The following MRPL17 variants were observed in gnomAD, a reference collection of about 807,000 sequenced individuals.
The protein encoded by MRPL17 is mitochondrial ribosomal protein L17.
In MRPL17, 8 loss-of-function variants were observed where a neutral mutation model predicts 12.0. The ratio of observed to expected loss-of-function variants is 0.67; its 90% CI spans 0.39 to 1.21. MRPL17 has a LOEUF of 1.21. Among genes scored for constraint, MRPL17 ranks in the 50% most tolerant of loss-of-function variants. The pLI is 0.01. For missense variants in MRPL17, 263 were observed against 234.4 expected (o/e 1.12, Z -0.80); for synonymous variants, 107 against 92.9 (o/e 1.15, Z -0.87).
rs778480444 is a variant in MRPL17, at chr11:6,682,397, C to T, written c.249G>A (p.Lys83=). ...CTTGAAACAGCTTTGGGATCAAATC[C>T]TTCTCCTAGAGGGAGAATTATCCAA... The part of the protein sequence containing the change: ...MRMADFWLTE[K]DLIPKLFQVL... The change falls in exon 3 of 3, where the codon AAG becomes AAA. Residue 83 remains lysine, a synonymous_variant. Transcript: ENST00000288937. 1 of 1,612,850 alleles carries T rather than the reference C, an allele frequency of 6.2e-7. No homozygotes were observed. Among genetic ancestry groups the T allele is most frequent in the African/African-American group, 1.3e-5 (1 of 74,898 alleles).
chr11:6,682,652 G>A (rs548434060), intron 2 of MRPL17, 95 bp downstream of exon 2: 86 of 1,263,412 alleles, frequency 6.8e-5, no homozygotes, highest in Non-Finnish European at 9.4e-5. Flanking sequence ...CCATAAGTGA[G>A]TACCCAAGTT....
chr11:6,680,490 A>G lies in MRPL17; in HGVS notation c.*1628T>C, dbSNP rs1846553251. ...ATGGTACAGGTTGTTTCTTATCTCTAGTCTCTATTAGATGAACAGTGGATA... is the reference window on the plus strand; with the variant it reads ...ATGGTACAGGTTGTTTCTTATCTCTGGTCTCTATTAGATGAACAGTGGATA... On this transcript the variant is annotated 3_prime_UTR_variant, in exon 3 of 3. Coordinates refer to ENST00000288937, the MANE Select transcript of MRPL17 (RefSeq NM_022061.4). Among the ~76,000 whole-genome samples the G allele has an allele frequency of 6.6e-6, 1 of 152,188 alleles. No individual in the cohort carries two copies. The highest frequency in any genetic ancestry group is 2.4e-5 in the African/African-American group (1 of 41,442).
chr11:6,682,744 C>T lies in MRPL17; in HGVS notation c.243+3G>A, dbSNP rs1238002905. 1 of 1,614,098 alleles carries T rather than the reference C, an allele frequency of 6.2e-7. No homozygotes were observed. Among genetic ancestry groups the T allele is most frequent in the East Asian group, 2.2e-5 (1 of 44,884 alleles). Reference sequence around the variant, plus strand: ...ATTTTGAAGGCAGATAGGTCGCACTCACTGTGAGCCAGAAGTCAGCCATGC... The same window carrying T: ...ATTTTGAAGGCAGATAGGTCGCACTTACTGTGAGCCAGAAGTCAGCCATGC... On this transcript the variant is annotated splice_donor_region_variant and intron_variant, in intron 2 of 2. Coordinates refer to ENST00000288937, the MANE Select transcript of MRPL17 (RefSeq NM_022061.4).
intron 2 of MRPL17, 124 bp downstream of exon 2, chr11:6,682,623 T>C: frequency 1.9e-6 from 2 of 1,041,040 alleles, no homozygotes; most frequent in Admixed American, 3.9e-5. Flanking sequence ...CAGTTTCTAA[T>C]TTAGTTAGCA....
chr11:6,683,323 A>C lies in MRPL17; in HGVS notation c.-27T>G, dbSNP rs767218051. On this transcript the variant is annotated 5_prime_UTR_variant, in exon 1 of 3. Coordinates refer to ENST00000288937, the MANE Select transcript of MRPL17 (RefSeq NM_022061.4). ...TTTCCAACTTCTGCCCGCCCCTTGG[A>C]GGCCGGAACTGGAAACTGGAAGGTA... 1.9e-6 allele frequency: 3 copies of C among 1,597,110 alleles called. No homozygotes were observed. The South Asian group carries it at 3.4e-5, about 18-fold the overall frequency.
rs1846570536 is a variant in MRPL17 at position 6,682,043 on chromosome 11, T to C, written c.*75A>G. The C allele has an allele frequency of 6.6e-7, 1 of 1,514,722 alleles. No individual in the cohort carries two copies. The highest frequency in any genetic ancestry group is 1.4e-5 in the African/African-American group (1 of 72,126). The allele number at this position is 1,514,722 out of a possible 1,614,324, so 93.8% of individuals were successfully genotyped here. ...ATTTTACATCTCTAGCTCCAGTTCT[T>C]CTCAGAGAGTAAAAGTGCTCCAAAG... On this transcript the variant is annotated 3_prime_UTR_variant, in exon 3 of 3. Coordinates refer to ENST00000288937, the MANE Select transcript of MRPL17 (RefSeq NM_022061.4).
chr11:6,683,289 A>T lies in MRPL17; in HGVS notation c.8T>A (p.Leu3Gln), dbSNP rs922166152. MR[L>Q]SVAAAISHGR... ...ATGGGAGATCGCTGCAGCGACCGAC[A>T]GCCGCATGTTTCCAACTTCTGCCCG... is the stretch of plus-strand genomic sequence containing the variant. Residue 3 changes from leucine (L) to glutamine (Q), a missense_variant, in exon 1 of 3, where the codon CTG (leucine) becomes CAG (glutamine). Coordinates refer to ENST00000288937, the MANE Select transcript of MRPL17 (RefSeq NM_022061.4). 20 of 1,610,130 alleles carry T rather than the reference A, an allele frequency of 1.2e-5. No homozygotes were observed. Among genetic ancestry groups the T allele is most frequent in the Non-Finnish European group, 1.4e-5 (17 of 1,177,100 alleles).
Position 6,682,803 on chromosome 11 carries a change from C to T in MRPL17, c.187G>A (p.Gly63Arg). 6.2e-7 allele frequency: 1 copy of T among 1,614,126 alleles called. No homozygotes were observed. The highest frequency in any genetic ancestry group is 1.1e-5 in the South Asian group (1 of 91,074). ...CGTTCGTTAGTGTCTCCCAGCTTCCCATAGTCGATGAGCTGTGAGGACATA... is the reference window on the plus strand; with the variant it reads ...CGTTCGTTAGTGTCTCCCAGCTTCCTATAGTCGATGAGCTGTGAGGACATA... ...RGYAEKLIDY[G>R]KLGDTNERAM... Residue 63 changes from glycine to arginine, a missense_variant, in exon 2 of 3, where the codon GGG (glycine) becomes AGG (arginine). Transcript: ENST00000288937.
intron 1 of MRPL17, 153 bp downstream of exon 1, chr11:6,682,970 G>A (rs1846584230): frequency 7.8e-7 from 1 of 1,279,946 alleles, no homozygotes; most frequent in East Asian, 2.4e-5. Context: ...TCTTCCATTA[G>A]AGGCGATGGA....
rs1364430755 is a variant in MRPL17, at chr11:6,681,062, A to C, written c.*1056T>G. 3 of 152,134 alleles carry C rather than the reference A, an allele frequency of 2.0e-5. No homozygotes were observed. The highest frequency in any genetic ancestry group is 2.9e-5 in the Non-Finnish European group (2 of 68,044). 9.4% of individuals were successfully genotyped at this position (152,134 alleles called of 1,614,324 possible). On this transcript the variant is annotated 3_prime_UTR_variant, in exon 3 of 3. Coordinates refer to ENST00000288937, the MANE Select transcript of MRPL17 (RefSeq NM_022061.4). ...TGGATGGGTTCAGTGGGCCAAATAC[A>C]CTCAGAAGATAGAGCCTAAGATAAA...
In MRPL17 at chr11:6,682,780, T is replaced by G. The variant is rs772272353; in HGVS notation, c.210A>C (p.Glu70Asp). Reference sequence around the variant, plus strand: ...AGAAGTCAGCCATGCGCATGGCTCGTTCGTTAGTGTCTCCCAGCTTCCCAT... The same window carrying G: ...AGAAGTCAGCCATGCGCATGGCTCGGTCGTTAGTGTCTCCCAGCTTCCCAT... ...IDYGKLGDTN[E>D]RAMRMADFWL... The change falls in exon 2 of 3, where the codon GAA becomes GAC. Residue 70 changes from glutamate (E) to aspartate (D), a missense_variant. Physicochemically the swap from Glu to Asp is conservative, Grantham distance 45. Transcript: ENST00000288937. 3.7e-6 allele frequency: 6 copies of G among 1,614,198 alleles called. No individual in the cohort carries two copies. Among genetic ancestry groups the G allele is most frequent in the Non-Finnish European group, 5.1e-6 (6 of 1,180,030 alleles).
At position 6,682,496 on chromosome 11, in the gene MRPL17, C is replaced by A. The variant is rs7940919; in HGVS notation, c.244-94G>T. The A allele has an allele frequency of 3.6e-6, 5 of 1,400,136 alleles. No homozygotes were observed. In the Admixed American group the frequency reaches 6.0e-5, roughly 17 times the overall value. 86.7% of individuals were successfully genotyped at this position (1,400,136 alleles called of 1,614,324 possible). ...TTCCCAAAGGTAAGGTCCATCCACACATAGAAAGACCTCCCCCTCCCCTCG... is the reference window on the plus strand; with the variant it reads ...TTCCCAAAGGTAAGGTCCATCCACAAATAGAAAGACCTCCCCCTCCCCTCG... On this transcript the variant is annotated intron_variant, in intron 2 of 2. Coordinates refer to ENST00000288937, the MANE Select transcript of MRPL17 (RefSeq NM_022061.4).
Position 6,682,232 on chromosome 11 carries a change from T to G in MRPL17, c.414A>C (p.Arg138Ser), listed in dbSNP as rs1206552800. ...NCLPPLPLPRRDSHLTLLNQL... is the reference protein window; with the variant it reads ...NCLPPLPLPRSDSHLTLLNQL... ...GGTTTAGGAGTGTAAGGTGGCTGTC[T>G]CTGCGAGGCAGAGGCAGGGGTGGGA... Residue 138 changes from arginine to serine, a missense_variant, in exon 3 of 3, where the codon AGA becomes AGC. Physicochemically the swap from Arg to Ser is moderately radical, Grantham distance 110 (BLOSUM62 -1). Transcript: ENST00000288937. 1 of 1,614,012 alleles carries G rather than the reference T, an allele frequency of 6.2e-7. No homozygotes were observed. Among genetic ancestry groups the G allele is most frequent in the African/African-American group, 1.3e-5 (1 of 74,898 alleles).
intron 1 of MRPL17, 130 bp downstream of exon 1, chr11:6,682,993 G>A (rs1846584826): frequency 1.4e-6 from 2 of 1,385,868 alleles, no homozygotes; most frequent in African/African-American, 1.4e-5. Flanking sequence ...GGCGGGTTCA[G>A]CCCAAGGTTC....
In MRPL17 at chr11:6,683,218, G is replaced by T. The variant is rs749706230; in HGVS notation, c.79C>A (p.His27Asn). Residue 27 changes from histidine (H) to asparagine (N), a missense_variant, in exon 1 of 3, where the codon CAT becomes AAT. Physicochemically the swap from His to Asn is moderately conservative, Grantham distance 68. Coordinates refer to ENST00000288937, the MANE Select transcript of MRPL17 (RefSeq NM_022061.4). Reference protein sequence around the residue: ...RMGLGPESRIHLLRNLLTGLV... With the variant: ...RMGLGPESRINLLRNLLTGLV... ...CCTGTGAGCAAGTTCCGCAACAGAT[G>T]GATGCGGGACTCGGGACCGAGGCCC... 5 of 1,614,178 alleles carry T rather than the reference G, an allele frequency of 3.1e-6. No individual in the cohort carries two copies. The highest frequency in any genetic ancestry group is 4.2e-6 in the Non-Finnish European group (5 of 1,180,030).
At position 6,681,972 on chromosome 11, in the gene MRPL17, G is replaced by T; in HGVS notation, c.*146C>A. The T allele has an allele frequency of 2.7e-6, 2 of 736,408 alleles. No homozygotes were observed. The highest frequency in any genetic ancestry group is 4.3e-6 in the Non-Finnish European group (2 of 468,998). The allele number at this position is 736,408 out of a possible 1,614,324, so 45.6% of individuals were successfully genotyped here. On this transcript the variant is annotated 3_prime_UTR_variant, in exon 3 of 3. Transcript: ENST00000288937. ...ACTTTTATCTATTGTGCAAAGAGAG[G>T]GTCATCTGGCTCCCCAGAAGGTTCT... is the stretch of plus-strand genomic sequence containing the variant.
intron 2 of MRPL17, 78 bp from the exon 3 acceptor site, chr11:6,682,480 G>A (rs1846577059): frequency 1.3e-6 from 2 of 1,502,246 alleles, no homozygotes; most frequent in East Asian, 4.5e-5. Flanking sequence ...ATTCCCAAAG[G>A]TAAGGTCCAT....
In MRPL17 at chr11:6,682,063, C is replaced by A; in HGVS notation, c.*55G>T. 6.5e-7 allele frequency: 1 copy of A among 1,547,848 alleles called. No homozygotes were observed. Among genetic ancestry groups the A allele is most frequent in the South Asian group, 1.2e-5 (1 of 81,542 alleles). ...GTTCTTCTCAGAGAGTAAAAGTGCT[C>A]CAAAGGCCTGTGATCATGGGTACTG... On this transcript the variant is annotated 3_prime_UTR_variant, in exon 3 of 3. Coordinates refer to ENST00000288937, the MANE Select transcript of MRPL17 (RefSeq NM_022061.4).
Position 6,682,786 on chromosome 11 carries a change from A to G in MRPL17, c.204T>C (p.Thr68=), listed in dbSNP as rs1846582111. The change falls in exon 2 of 3, where the codon ACT becomes ACC. Residue 68 remains threonine (T), a synonymous_variant. Coordinates refer to ENST00000288937, the MANE Select transcript of MRPL17 (RefSeq NM_022061.4). The stretch of plus-strand genomic sequence containing the variant: ...CAGCCATGCGCATGGCTCGTTCGTT[A>G]GTGTCTCCCAGCTTCCCATAGTCGA... ...KLIDYGKLGD[T]NERAMRMADF... The G allele has an allele frequency of 1.2e-6, 2 of 1,614,022 alleles. No individual in the cohort carries two copies.
Sources: allele counts gnomAD v4.1 joint callset (sites outside exome capture counted in the v4.1 genomes callset), GRCh38; gene constraint gnomAD v4.1.1; transcripts MANE v1.5; gene names NCBI Gene and HGNC (gene_info 2026-07-23, HGNC 2026-07-21).